Variants in SEM1 observed in about 807,000 individuals in gnomAD.
SEM1 encodes the protein SEM1 26S proteasome subunit.
SEM1 carries 3 observed loss-of-function variants against 12.7 expected under a neutral mutation model. The ratio of observed to expected loss-of-function variants is 0.24; its 90% CI spans 0.11 to 0.61. The LOEUF (loss-of-function observed/expected upper bound fraction) is 0.61. Among genes scored for constraint, SEM1 ranks in the 20% least tolerant of loss-of-function variants. The pLI, the probability that SEM1 is intolerant of heterozygous loss-of-function variation, is 0.88. For synonymous variants in SEM1, 30 were observed against 27.8 expected (o/e 1.08, Z -0.25); for missense variants, 59 against 81.3 (o/e 0.73, Z 1.06).
At chr7:96,496,914 T>G (rs1389067728), upstream of SEM1, among the ~76,000 whole-genome samples, 1 of 152,030 alleles carries the variant, frequency 6.6e-6, no homozygotes, top group Non-Finnish European at 1.5e-5. Context: ...TATAAAATAT[T>G]TATTTAAGCA....
At position 96,501,558 on chromosome 7, in the gene SEM1, C is replaced by A. The variant is rs550701815; in HGVS notation, c.*60+5065G>T. Among the ~76,000 whole-genome samples the A allele has an allele frequency of 1.5e-3, 234 of 152,190 alleles. 1 individual carries two copies. Among genetic ancestry groups the A allele is most frequent in the African/African-American group, 5.3e-3 (221 of 41,526 alleles). On this transcript the variant is annotated intron_variant and NMD_transcript_variant, in intron 3 of 3. Coordinates refer to the SEM1 transcript ENST00000466986. ...GTACATGCCTTAATGTTAGGAAAGA[C>A]TAAAAACCATCCAAATGTGGTGGAC...
Position 96,584,701 on chromosome 7 carries a change from G to A in SEM1, c.171-78003C>T, listed in dbSNP as rs181723898. On this transcript the variant is annotated intron_variant and NMD_transcript_variant, in intron 2 of 3. Transcript: ENST00000466986. ...CTTTTTTCTCTAAACTTCCCTTCTC[G>A]CTTCATTTCATTCATTTCATCTTCC... 8.7e-3 allele frequency among the ~76,000 whole-genome samples: 1,318 copies of A among 151,176 alleles called. 17 individuals carry two copies. The highest frequency in any genetic ancestry group is 0.03 in the African/African-American group (1,248 of 41,064).
chr7:96,490,113 G>T (rs1802945111), intron 1 of SEM1, among the ~76,000 whole-genome samples: 1 of 151,534 alleles, frequency 6.6e-6, no homozygotes, highest in East Asian at 1.9e-4. Context: ...AACAGAATGG[G>T]ATGAAAAAAA....
At chr7:96,691,451 C>T (rs1789931081) in intron 2 of SEM1, among the ~76,000 whole-genome samples, 3 of 152,158 alleles carry the variant, frequency 2.0e-5, no homozygotes, top group Non-Finnish European at 4.4e-5. Flanking sequence ...AAGTGAGTTG[C>T]CCAAGGTTCA....
intron 2 of SEM1, among the ~76,000 whole-genome samples, chr7:96,520,728 A>T (rs140818289): frequency 6.6e-6 from 1 of 152,260 alleles, no homozygotes; most frequent in Non-Finnish European, 1.5e-5. Flanking sequence ...AACAGAAATA[A>T]AAGGGTATGG....
Position 96,556,274 on chromosome 7 carries a change from T to C in SEM1, c.171-49576A>G, listed in dbSNP as rs539940329. Among the ~76,000 whole-genome samples, 9 of 151,692 alleles carry C rather than the reference T, an allele frequency of 5.9e-5. No homozygotes were observed. The East Asian group carries it at 1.8e-3, about 30-fold the overall frequency. Reference sequence around the variant, plus strand: ...ATTTTGCTCGTTAGTTGATGCAGTTTCTTCCTAGTCTCAATGGTCTTTACA... The same window carrying C: ...ATTTTGCTCGTTAGTTGATGCAGTTCCTTCCTAGTCTCAATGGTCTTTACA... On this transcript the variant is annotated intron_variant and NMD_transcript_variant, in intron 2 of 3. Transcript: ENST00000466986.
chr7:96,497,007 A>G (rs1485599418), upstream of SEM1, among the ~76,000 whole-genome samples: 2 of 86,424 alleles, frequency 2.3e-5, no homozygotes, highest in African/African-American at 7.6e-5. Flanking sequence ...ACGAGCACGT[A>G]TACACACACA....
intron 1 of SEM1, among the ~76,000 whole-genome samples, chr7:96,698,773 A>G (rs1790177960): frequency 6.6e-6 from 1 of 152,140 alleles, no homozygotes; most frequent in East Asian, 1.9e-4. Flanking sequence ...TCCTTTGGGT[A>G]TAACCCAGTA....
chr7:96,542,009 T>A (rs1328640167), intron 2 of SEM1, among the ~76,000 whole-genome samples: 1 of 150,028 alleles, frequency 6.7e-6, no homozygotes, highest in African/African-American at 2.5e-5. Context: ...ATAGTGTAGC[T>A]TGAAGTTGAG....
chr7:96,488,029 T>G lies in SEM1; in HGVS notation c.13-1612A>C, dbSNP rs60317049. Among the ~76,000 whole-genome samples, 1,108 of 140,572 alleles carry G rather than the reference T, an allele frequency of 7.9e-3. 140 individuals carry two copies. Among genetic ancestry groups the G allele is most frequent in the African/African-American group, 0.035 (1,062 of 30,446 alleles). 92.2% of individuals were successfully genotyped at this position (140,572 alleles called of 152,430 possible). A position where few individuals can be genotyped will look rare whatever the true frequency, so the allele number is the denominator to read the frequency against. On this transcript the variant is annotated intron_variant, in intron 1 of 3. Coordinates refer to the SEM1 transcript ENST00000356686. Reference sequence around the variant, plus strand: ...TCTTGTAAGAAGATATCCGTACTCATGTGGGTTAAAATATTACTTTATCTA... The same window carrying G: ...TCTTGTAAGAAGATATCCGTACTCAGGTGGGTTAAAATATTACTTTATCTA...
At chr7:96,525,552 A>G (rs954365088) in intron 2 of SEM1, among the ~76,000 whole-genome samples, 55 of 152,234 alleles carry the variant, frequency 3.6e-4, no homozygotes, top group African/African-American at 1.3e-3. Context: ...AAGAAGGAGG[A>G]TATTTAGAAT....
At chr7:96,488,083 T>C (rs1210625641) in intron 1 of SEM1, among the ~76,000 whole-genome samples, 1 of 140,032 alleles carries the variant, frequency 7.1e-6, no homozygotes, top group African/African-American at 3.3e-5. Flanking sequence ...AATTAACAAA[T>C]AGCAATCATC....
At chr7:96,519,218 G>A (rs1253305517) in intron 2 of SEM1, among the ~76,000 whole-genome samples, 1 of 152,128 alleles carries the variant, frequency 6.6e-6, no homozygotes, top group Non-Finnish European at 1.5e-5. Context: ...GTTGAAGAAG[G>A]GAGGTAATAT....
At chr7:96,653,840 T>C (rs918906901) in intron 2 of SEM1, 3 of 152,194 alleles carry the variant, frequency 2.0e-5, no homozygotes, top group African/African-American at 4.8e-5. Context: ...CTTTTTCTTC[T>C]GAAAGAGGAT....
At chr7:96,624,594 A>G (rs1807999888) in intron 2 of SEM1, among the ~76,000 whole-genome samples, 1 of 152,254 alleles carries the variant, frequency 6.6e-6, no homozygotes, top group Non-Finnish European at 1.5e-5. Context: ...AATAATGCTC[A>G]TTAAGTGCTT....
chr7:96,506,317 T>A lies in SEM1; in HGVS notation c.*60+306A>T, dbSNP rs150450022. Among the ~76,000 whole-genome samples, 749 of 152,274 alleles carry A rather than the reference T, an allele frequency of 4.9e-3. 4 individuals carry two copies. The highest frequency in any genetic ancestry group is 0.017 in the African/African-American group (699 of 41,566). On this transcript the variant is annotated intron_variant and NMD_transcript_variant, in intron 3 of 3. Transcript: ENST00000466986. ...ATGTGTTCATTGATTGAGCCAAGTC[T>A]GGATATGGGCTTTTAACATTCTAAT...
At chr7:96,613,505 C>A (rs554975372) in intron 2 of SEM1, among the ~76,000 whole-genome samples, 1 of 152,058 alleles carries the variant, frequency 6.6e-6, no homozygotes, top group Non-Finnish European at 1.5e-5. Context: ...GGCTAATTAG[C>A]GTATCTATCA....
intron 1 of SEM1, among the ~76,000 whole-genome samples, chr7:96,701,015 TTC>T (rs1790256236): frequency 1.3e-5 from 2 of 152,156 alleles, no homozygotes; most frequent in Non-Finnish European, 2.9e-5. Flanking sequence ...TATCAAATAA[TTC>T]ACAAATTTAA....
intron 2 of SEM1, among the ~76,000 whole-genome samples, chr7:96,521,044 A>T (rs769355342): frequency 6.6e-6 from 1 of 152,112 alleles, no homozygotes; most frequent in East Asian, 1.9e-4. Flanking sequence ...ACCTCACAAA[A>T]AAAAGGGGAC....
Sources: gnomAD v4.1 joint callset for allele counts (sites outside exome capture counted in the v4.1 genomes callset) on GRCh38, gnomAD v4.1.1 for gene constraint, MANE v1.5 for transcripts, NCBI Gene and HGNC (gene_info 2026-07-23, HGNC 2026-07-21) for gene names.